Variants in MACC1 observed in about 807,000 individuals in gnomAD.
MACC1 encodes the protein metastasis-associated in colon cancer protein 1.
MACC1 carries 79 observed loss-of-function variants against 70.7 expected under a neutral mutation model. The ratio of observed to expected loss-of-function variants is 1.12; its 90% confidence interval spans 0.93 to 1.35. The LOEUF (loss-of-function observed/expected upper bound fraction) is 1.35, where lower values mean the gene tolerates loss of function less well. Among genes scored for constraint, MACC1 ranks in the 40% most tolerant of loss-of-function variants. The pLI, the probability that MACC1 is intolerant of heterozygous loss-of-function variation, is 0.00. For missense variants in MACC1, 1,106 were observed against 978.1 expected, an observed-to-expected ratio of 1.13 and a Z score of -1.74; for synonymous variants, 361 against 347.2, an observed-to-expected ratio of 1.04 and a Z score of -0.44.
chr7:20,166,661 G>A (rs1782224679), intron 2 of MACC1, among the ~76,000 whole-genome samples: 1 of 152,176 alleles, frequency 6.6e-6, no homozygotes. Context: ...ATTCTCCAGG[G>A]AAGGGAGCAG....
chr7:20,194,966 G>A (rs1279358583), intron 1 of MACC1, among the ~76,000 whole-genome samples: 1 of 152,076 alleles, frequency 6.6e-6, no homozygotes, highest in African/African-American at 2.4e-5. Flanking sequence ...TAAATTTTTA[G>A]TAAACCTCTA....
chr7:20,182,055 G>A (rs1782517302), intron 1 of MACC1, among the ~76,000 whole-genome samples: 1 of 151,660 alleles, frequency 6.6e-6, no homozygotes, highest in Non-Finnish European at 1.5e-5. Context: ...CATGGATGAA[G>A]CTGGAAACCA....
At chr7:20,184,732 C>T (rs1782559516) in intron 1 of MACC1, among the ~76,000 whole-genome samples, 1 of 152,154 alleles carries the variant, frequency 6.6e-6, no homozygotes. Flanking sequence ...ACTCTTTACT[C>T]TTAACTACAA....
intron 2 of MACC1, among the ~76,000 whole-genome samples, chr7:20,169,420 C>A (rs746697654): frequency 6.6e-6 from 1 of 152,182 alleles, no homozygotes; most frequent in Non-Finnish European, 1.5e-5. Context: ...TAAAGATCAA[C>A]CCCCAATTCA....
chr7:20,184,046 G>C (rs1050867416), intron 1 of MACC1, among the ~76,000 whole-genome samples: 3 of 152,004 alleles, frequency 2.0e-5, no homozygotes, highest in African/African-American at 7.2e-5. Flanking sequence ...TCACTTCATT[G>C]GGTCCTTCTT....
intron 1 of MACC1, among the ~76,000 whole-genome samples, chr7:20,193,277 A>C (rs370500514): frequency 4.5e-4 from 68 of 152,350 alleles, no homozygotes; most frequent in African/African-American, 1.6e-3. Flanking sequence ...ATAAGCTATC[A>C]ACTTAGGGCA....
rs553571925 is a variant in MACC1, at chr7:20,172,763, C to G, written c.-217-1985G>C. Among the ~76,000 whole-genome samples, 20 of 152,348 alleles carry G rather than the reference C, an allele frequency of 1.3e-4. No individual in the cohort carries two copies. The East Asian group carries it at 3.5e-3, about 26-fold the overall frequency. ...GACAGTGAACCTCTCCAAGAAGGAGCTCTTCCTCTCCTTTTTCCTCCATCT... is the reference window on the plus strand; with the variant it reads ...GACAGTGAACCTCTCCAAGAAGGAGGTCTTCCTCTCCTTTTTCCTCCATCT... On this transcript the variant is annotated intron_variant, in intron 1 of 6. Coordinates refer to ENST00000400331, the MANE Select transcript of MACC1 (RefSeq NM_182762.4).
intron 1 of MACC1, among the ~76,000 whole-genome samples, chr7:20,199,398 G>A (rs1782801459): frequency 6.6e-6 from 1 of 152,230 alleles, no homozygotes; most frequent in Non-Finnish European, 1.5e-5. Flanking sequence ...ATATTACATG[G>A]AGAAGGGACC....
intron 6 of MACC1, among the ~76,000 whole-genome samples, chr7:20,148,906 T>C (rs1328964715): frequency 1.3e-5 from 2 of 152,190 alleles, no homozygotes; most frequent in Non-Finnish European, 2.9e-5. Flanking sequence ...TTCCCTTCTC[T>C]AAGAAATTAT....
intron 1 of MACC1, among the ~76,000 whole-genome samples, chr7:20,210,521 C>A (rs17142579): frequency 2.0e-5 from 3 of 152,252 alleles, no homozygotes; most frequent in African/African-American, 7.2e-5. Flanking sequence ...GAATGAATGA[C>A]GCTACCTACG....
chr7:20,209,900 T>G (rs1215642457), intron 1 of MACC1, among the ~76,000 whole-genome samples: 1 of 152,190 alleles, frequency 6.6e-6, no homozygotes, highest in South Asian at 2.1e-4. Flanking sequence ...GAGTGACTTC[T>G]CATGAGATCT....
chr7:20,165,500 A>T (rs1165111363), intron 2 of MACC1, among the ~76,000 whole-genome samples: 3 of 149,084 alleles, frequency 2.0e-5, no homozygotes, highest in African/African-American at 5.0e-5. Flanking sequence ...CTAAATCTAA[A>T]TTTTTTTCTA....
At chr7:20,172,975 G>T (rs975785089) in intron 1 of MACC1, among the ~76,000 whole-genome samples, 10 of 152,178 alleles carry the variant, frequency 6.6e-5, no homozygotes, top group Non-Finnish European at 1.3e-4. Context: ...CTGTTTAGGA[G>T]TTTTGTCCTG....
At position 20,151,052 on chromosome 7, in the gene MACC1, GAGAAAA is replaced by G. The variant is rs1781968748; in HGVS notation, c.2346+3135_2346+3140del. 1.5e-5 allele frequency among the ~76,000 whole-genome samples: 2 copies of G among 133,742 alleles called. 1 individual carries two copies. Among genetic ancestry groups the G allele is most frequent in the South Asian group, 4.8e-4 (2 of 4,200 alleles). 87.7% of individuals were successfully genotyped at this position (133,742 alleles called of 152,430 possible). Reference sequence around the variant, plus strand: ...GACAGAGCCAGACACTGTCTCAAAGGAGAAAAAAAAAAAAAAAAGAAAGGAAGTGAA... The same window carrying G: ...GACAGAGCCAGACACTGTCTCAAAGGAAAAAAAAAAAAGAAAGGAAGTGAA... On this transcript the variant is annotated intron_variant, in intron 6 of 6. Transcript: ENST00000400331.
In MACC1 at chr7:20,159,378, A is replaced by C. The variant is rs535886751; in HGVS notation, c.983T>G (p.Ile328Ser). Residue 328 changes from isoleucine to serine, a missense_variant, in exon 5 of 7, where the codon ATT (isoleucine) becomes AGT (serine). Transcript: ENST00000400331. The stretch of plus-strand genomic sequence containing the variant: ...CTTGACTTGGATGGTGTCTTTATAA[A>C]TGTAGCAGTTGCTTAAAACTTTAAA... ...GPFKVLSNCY[I>S]YKDTIQVKLI... is the part of the protein sequence containing the mutation. The C allele has an allele frequency of 1.2e-6, 2 of 1,614,064 alleles. No homozygotes were observed. Among genetic ancestry groups the C allele is most frequent in the Non-Finnish European group, 1.7e-6 (2 of 1,180,020 alleles).
In MACC1 at chr7:20,159,916, C is replaced by T. The variant is rs368756732; in HGVS notation, c.445G>A (p.Asp149Asn). ...SVSELLDILD[D>N]TAHAHQSIHN... ...ATACTCTGATGGGCATGTGCTGTGT[C>T]GTCTAAAATGTCCAGAAGTTCTGAA... Residue 149 changes from aspartate to asparagine, a missense_variant, in exon 5 of 7, where the codon GAC (aspartate) becomes AAC (asparagine). By Grantham distance (23) the Asp-to-Asn change is conservative (BLOSUM62 1). Transcript: ENST00000400331. The T allele has an allele frequency of 8.1e-6, 13 of 1,613,928 alleles. No individual in the cohort carries two copies. The highest frequency in any genetic ancestry group is 8.5e-6 in the Non-Finnish European group (10 of 1,180,010).
At chr7:20,194,041 C>T (rs3095012) in intron 1 of MACC1, among the ~76,000 whole-genome samples, 50,785 of 151,960 alleles carry the variant, frequency 0.33, 9,772 homozygotes, top group East Asian at 0.82. Context: ...TCTGCGGTGA[C>T]TCCTCACTTG....
Position 20,141,006 on chromosome 7 carries a change from T to C in MACC1, c.2499A>G (p.Ile833Met), listed in dbSNP as rs2128099581. ...TCAAAACCTCCAAAGAATTTACTAG[T>C]ATTAAAACTCCAGTTAATTCTCTCC... is the stretch of plus-strand genomic sequence containing the variant. Reference protein sequence around the residue: ...KHWRELTGVLILVNSLEVLRV... With the variant: ...KHWRELTGVLMLVNSLEVLRV... The change falls in exon 7 of 7, where the codon ATA becomes ATG. Residue 833 changes from isoleucine to methionine, a missense_variant. Physicochemically the swap from Ile to Met is conservative, Grantham distance 10 (BLOSUM62 1). Transcript: ENST00000400331. 6.2e-7 allele frequency: 1 copy of C among 1,614,086 alleles called. No individual in the cohort carries two copies. Among genetic ancestry groups the C allele is most frequent in the Non-Finnish European group, 8.5e-7 (1 of 1,179,962 alleles).
At chr7:20,189,228 TTTC>T (rs1381252854) in intron 1 of MACC1, among the ~76,000 whole-genome samples, 1 of 152,240 alleles carries the variant, frequency 6.6e-6, no homozygotes, top group African/African-American at 2.4e-5. Context: ...CTGCCTTATT[TTTC>T]TTCATGTTAC....
Sources: allele counts gnomAD v4.1 joint callset (sites outside exome capture counted in the v4.1 genomes callset), GRCh38; gene constraint gnomAD v4.1.1; transcripts MANE v1.5; gene names NCBI Gene and HGNC (gene_info 2026-07-23, HGNC 2026-07-21).